Variants in GALNT13 observed in about 807,000 individuals in gnomAD.
The protein encoded by GALNT13 is polypeptide N-acetylgalactosaminyltransferase 13, also known as UDP-GalNAc:polypeptide N-acetylgalactosaminyltransferase 13.
A neutral mutation model predicts 64.2 loss-of-function variants in GALNT13; 28 were observed. The ratio of observed to expected loss-of-function variants is 0.44; its 90% confidence interval spans 0.32 to 0.60. The LOEUF (loss-of-function observed/expected upper bound fraction) is 0.60. Ranked by LOEUF, GALNT13 falls within the 20% of genes least tolerant of loss-of-function variation. GALNT13 has a pLI of 0.05. For missense variants in GALNT13, 577 were observed against 669.8 expected (o/e 0.86, Z 1.53); for synonymous variants, 214 against 224.6 (o/e 0.95, Z 0.42).
the GALNT13 span, among the ~76,000 whole-genome samples, chr2:153,187,256 T>C: frequency 6.6e-6 from 1 of 152,212 alleles, no homozygotes; most frequent in Non-Finnish European, 1.5e-5. Flanking sequence ...CACTTTTTTC[T>C]GAGTTTCTTG....
the GALNT13 span, among the ~76,000 whole-genome samples, chr2:153,696,916 G>A: frequency 0.7 from 105,868 of 152,078 alleles, 38,522 homozygotes; most frequent in Non-Finnish European, 0.81. Flanking sequence ...TTCTAATCTA[G>A]ATTCTGCCAC....
chr2:153,768,050 C>T, the GALNT13 span, among the ~76,000 whole-genome samples: 1 of 151,942 alleles, frequency 6.6e-6, no homozygotes, highest in Non-Finnish European at 1.5e-5. Context: ...AGAGTTTTTC[C>T]TAGTTTTTCT....
the GALNT13 span, among the ~76,000 whole-genome samples, chr2:153,302,800 A>T: frequency 6.6e-6 from 1 of 152,130 alleles, no homozygotes. Flanking sequence ...TGAAGAGCTT[A>T]TCCTTTCCTA....
At chr2:153,808,949 A>G in the GALNT13 span, among the ~76,000 whole-genome samples, 1 of 152,236 alleles carries the variant, frequency 6.6e-6, no homozygotes, top group East Asian at 1.9e-4. Flanking sequence ...GAACATGGGT[A>G]GAGAAAAAGC....
chr2:153,503,633 G>T, the GALNT13 span, among the ~76,000 whole-genome samples: 12,548 of 151,904 alleles, frequency 0.083, 530 homozygotes, highest in South Asian at 0.15. Context: ...TAGAGACAAG[G>T]TTTCACCCCG....
chr2:153,156,541 A>C, the GALNT13 span, among the ~76,000 whole-genome samples: 1 of 152,156 alleles, frequency 6.6e-6, no homozygotes, highest in Non-Finnish European at 1.5e-5. Context: ...GATCGTTTTC[A>C]CTATTCCCCT....
the GALNT13 span, among the ~76,000 whole-genome samples, chr2:153,346,055 A>G: frequency 6.6e-6 from 1 of 151,728 alleles, no homozygotes; most frequent in African/African-American, 2.4e-5. Context: ...GCTCACTGCA[A>G]CCTCCACCTC....
At chr2:154,433,643 AG>A (rs1700801824) in intron 11 of GALNT13, among the ~76,000 whole-genome samples, 1 of 152,098 alleles carries the variant, frequency 6.6e-6, no homozygotes, top group Non-Finnish European at 1.5e-5. Context: ...AATGTGAAGA[AG>A]GGGGAATTAT....
intron 3 of GALNT13, among the ~76,000 whole-genome samples, chr2:154,057,628 C>T (rs1303130503): frequency 6.6e-6 from 1 of 152,120 alleles, no homozygotes; most frequent in African/African-American, 2.4e-5. Context: ...ATCACATAAT[C>T]CAGCTCTGCA....
the GALNT13 span, among the ~76,000 whole-genome samples, chr2:153,667,882 A>G: frequency 6.6e-6 from 1 of 152,112 alleles, no homozygotes; most frequent in African/African-American, 2.4e-5. Context: ...CAAGGGACCC[A>G]TCTAACAATC....
At chr2:153,091,547 A>G in the GALNT13 span, among the ~76,000 whole-genome samples, 2 of 152,128 alleles carry the variant, frequency 1.3e-5, no homozygotes, top group South Asian at 2.1e-4. Flanking sequence ...TTCCTGGTAC[A>G]TTCCTGTGGT....
chr2:153,128,727 C>T, the GALNT13 span, among the ~76,000 whole-genome samples: 2 of 152,068 alleles, frequency 1.3e-5, no homozygotes, highest in Non-Finnish European at 2.9e-5. Flanking sequence ...CAAGTCTGGG[C>T]AATTTACAAA....
At chr2:153,852,617 G>A in the GALNT13 span, among the ~76,000 whole-genome samples, 1 of 152,156 alleles carries the variant, frequency 6.6e-6, no homozygotes, top group African/African-American at 2.4e-5. Flanking sequence ...ATCAGTAAGT[G>A]TATGAAAGAC....
At chr2:154,329,385 AAGCCAC>A (rs1474199043) in intron 9 of GALNT13, among the ~76,000 whole-genome samples, 1 of 152,186 alleles carries the variant, frequency 6.6e-6, no homozygotes, top group Non-Finnish European at 1.5e-5. Flanking sequence ...TTACAGGCGT[AAGCCAC>A]CATGCCCAGC....
chr2:154,011,379 G>A (rs1419232338), intron 3 of GALNT13, among the ~76,000 whole-genome samples: 4 of 152,150 alleles, frequency 2.6e-5, no homozygotes, highest in Non-Finnish European at 5.9e-5. Flanking sequence ...TCATGTAATT[G>A]TATGGTTTTG....
At chr2:153,615,937 A>T in the GALNT13 span, among the ~76,000 whole-genome samples, 1 of 151,884 alleles carries the variant, frequency 6.6e-6, no homozygotes, top group African/African-American at 2.4e-5. Flanking sequence ...TTTTAACTTG[A>T]TGTGATTCCA....
chr2:153,400,906 T>A, the GALNT13 span, among the ~76,000 whole-genome samples: 4 of 152,092 alleles, frequency 2.6e-5, no homozygotes, highest in Non-Finnish European at 5.9e-5. Context: ...TTTGAAGGGT[T>A]TTTTGTGTCT....
the GALNT13 span, among the ~76,000 whole-genome samples, chr2:153,273,368 CA>C: frequency 6.6e-6 from 1 of 152,094 alleles, no homozygotes; most frequent in Non-Finnish European, 1.5e-5. Context: ...GGCTAGTAGG[CA>C]AAAACTATGG....
chr2:153,345,770 C>T, the GALNT13 span, among the ~76,000 whole-genome samples: 54 of 129,542 alleles, frequency 4.2e-4, 1 homozygote, highest in Admixed American at 1.2e-3. Flanking sequence ...TCCTTCCTTC[C>T]TTCTTTCTCT....
Sources: gnomAD v4.1 joint callset for allele counts (sites outside exome capture counted in the v4.1 genomes callset) on GRCh38, gnomAD v4.1.1 for gene constraint, MANE v1.5 for transcripts, NCBI Gene and HGNC (gene_info 2026-07-23, HGNC 2026-07-21) for gene names.